MYO18A: variants seen among roughly 807,000 people sequenced by gnomAD.
MYO18A encodes unconventional myosin-XVIIIa.
MYO18A carries 78 observed loss-of-function variants against 235.8 expected under a neutral mutation model. The observed-to-expected ratio is 0.33, with a 90% CI of 0.28 to 0.40. MYO18A has a LOEUF of 0.40. Among genes scored for constraint, MYO18A ranks in the 10% least tolerant of loss-of-function variants. The pLI is 1.00. For missense variants in MYO18A, 2,215 were observed against 2,699.3 expected, an observed-to-expected ratio of 0.82 and a Z score of 3.98; for synonymous variants, 977 against 1,077.8, an observed-to-expected ratio of 0.91 and a Z score of 1.83.
At chr17:29,101,411 T>G (rs2152794286) in intron 21 of MYO18A, among the ~76,000 whole-genome samples, 1 of 152,272 alleles carries the variant, frequency 6.6e-6, no homozygotes, top group Non-Finnish European at 1.5e-5. Flanking sequence ...GCTCAAGCGA[T>G]TCTCATGCCT....
intron 12 of MYO18A, 29 bp from the exon 13 acceptor site, chr17:29,115,470 CCTT>C: frequency 1.2e-6 from 2 of 1,606,390 alleles, no homozygotes; most frequent in Non-Finnish European, 8.5e-7. Flanking sequence ...AGCGCTATCT[CCTT>C]CTCCCCAGGG....
Position 29,166,518 on chromosome 17 carries a change from G to T in MYO18A, c.423C>A (p.Phe141Leu), listed in dbSNP as rs552217211. 1.4e-4 allele frequency: 225 copies of T among 1,613,738 alleles called. 2 individuals carry two copies. The South Asian group carries it at 1.8e-3, about 13-fold the overall frequency. ...NSQMIVKRFS[F>L]SQRSRDESAS... ...CGCTCTCATCCCGGCTACGCTGGGA[G>T]AAGGAAAAGCGCTTGACAATCATCT... is the stretch of plus-strand genomic sequence containing the variant. Residue 141 changes from phenylalanine to leucine, a missense_variant, in exon 2 of 42, where the codon TTC becomes TTA. Transcript: ENST00000527372.
chr17:29,092,294 A>T, intron 34 of MYO18A, 49 bp downstream of exon 34: 10 of 1,404,088 alleles, frequency 7.1e-6, no homozygotes, highest in Non-Finnish European at 9.9e-6. Flanking sequence ...AGGCAGCTCT[A>T]TTCTGCCTCA....
At chr17:29,080,908 AT>A in intron 41 of MYO18A, 1 of 985,424 alleles carries the variant, frequency 1.0e-6, no homozygotes, top group Non-Finnish European at 1.2e-6. Flanking sequence ...GGTGCCCCCG[AT>A]GGAGTCCTTT....
intron 2 of MYO18A, chr17:29,129,064 C>T (rs1283215981): frequency 7.8e-7 from 1 of 1,289,422 alleles, no homozygotes. Context: ...CCTTTGTAGT[C>T]CTTGGTCCTT....
intron 2 of MYO18A, among the ~76,000 whole-genome samples, chr17:29,143,839 T>G (rs1293755921): frequency 6.6e-6 from 1 of 152,218 alleles, no homozygotes; most frequent in Non-Finnish European, 1.5e-5. Context: ...TCCACCATGA[T>G]GACTCCTGAC....
intron 2 of MYO18A, among the ~76,000 whole-genome samples, chr17:29,164,489 T>C (rs2068239396): frequency 6.6e-6 from 1 of 152,214 alleles, no homozygotes; most frequent in South Asian, 2.1e-4. Context: ...AAGGTACTAC[T>C]GGGTTGAGTA....
chr17:29,124,047 C>CA (rs10716167), intron 2 of MYO18A, among the ~76,000 whole-genome samples: 99 of 141,500 alleles, frequency 7.0e-4, no homozygotes, highest in African/African-American at 1.2e-3. Flanking sequence ...GACTCCATCT[C>CA]AAAAAAAAAA....
At position 29,071,367 on chromosome 17, in the gene MYO18A, A is replaced by T. The variant is rs1162587237; in HGVS notation, c.*3403T>A. On this transcript the variant is annotated 3_prime_UTR_variant, in exon 42 of 42. Transcript: ENST00000527372. ...AGGTAAGGTCAACAGCAGAGCCTTC[A>T]AGGTACACCCAAAATAAAGATGGGC... 1.3e-5 allele frequency: 2 copies of T among 152,210 alleles called. No homozygotes were observed. Among genetic ancestry groups the T allele is most frequent in the Non-Finnish European group, 2.9e-5 (2 of 68,042 alleles). The allele number at this position is 152,210 out of a possible 1,614,324, so 9.4% of individuals were successfully genotyped here. A position where few individuals can be genotyped will look rare whatever the true frequency, so the allele number is the denominator to read the frequency against.
intron 1 of MYO18A, among the ~76,000 whole-genome samples, chr17:29,174,214 T>C (rs112618346): frequency 0.015 from 2,334 of 152,312 alleles, 66 homozygotes; most frequent in African/African-American, 0.053. Flanking sequence ...TACTAGAGAA[T>C]AGTAAAACTG....
chr17:29,093,140 G>A (rs935434418), intron 32 of MYO18A, 139 bp from the exon 33 acceptor site: 27 of 1,266,934 alleles, frequency 2.1e-5, no homozygotes, highest in Admixed American at 1.1e-4. Flanking sequence ...GCCAACCAGC[G>A]ATAAAGGGCT....
chr17:29,097,049 A>C, intron 27 of MYO18A, 134 bp from the exon 28 acceptor site: 1 of 1,379,656 alleles, frequency 7.2e-7, no homozygotes, highest in Non-Finnish European at 9.7e-7. Flanking sequence ...GGAACTGAAG[A>C]AGCTCTAATG....
chr17:29,124,777 CAAGTGGGCCG>C, intron 2 of MYO18A: 1 of 1,106,440 alleles, frequency 9.0e-7, no homozygotes, highest in African/African-American at 1.6e-5. Context: ...GCTCCTGAGT[CAAGTGGGCCG>C]GCACTCTCTA....
chr17:29,082,474 T>C (rs750281762), intron 40 of MYO18A, 36 bp from the exon 41 acceptor site: 5 of 1,601,856 alleles, frequency 3.1e-6, no homozygotes, highest in Non-Finnish European at 4.3e-6. Flanking sequence ...AGACAAGGCA[T>C]AGGCACCTGC....
At chr17:29,096,966 G>T in intron 27 of MYO18A, 51 bp from the exon 28 acceptor site, 1 of 1,488,230 alleles carries the variant, frequency 6.7e-7, no homozygotes, top group South Asian at 1.3e-5. Flanking sequence ...AGCATAGGTG[G>T]AGAAGGTGAG....
At chr17:29,135,169 T>G (rs1056688822) in intron 2 of MYO18A, among the ~76,000 whole-genome samples, 1 of 151,732 alleles carries the variant, frequency 6.6e-6, no homozygotes, top group South Asian at 2.1e-4. Context: ...GGTGCAATCT[T>G]GCCTCACTGC....
rs80079124 is a variant in MYO18A at position 29,082,563 on chromosome 17, C to T, written c.5898-125G>A. On this transcript the variant is annotated intron_variant, in intron 40 of 41. Transcript: ENST00000527372. ...GTGGGCAGCATGCACGTCGGTGAGTCGGGAGGGCGGGAATGAGAGAGGTTA... is the reference window on the plus strand; with the variant it reads ...GTGGGCAGCATGCACGTCGGTGAGTTGGGAGGGCGGGAATGAGAGAGGTTA... 4.1e-3 allele frequency: 3,759 copies of T among 921,616 alleles called. 92 individuals are homozygous for T. In the African/African-American group the frequency reaches 0.054, roughly 13 times the overall value. The allele number at this position is 921,616 out of a possible 1,614,324, so 57.1% of individuals were successfully genotyped here.
chr17:29,103,131 AG>A (rs1170736586), intron 21 of MYO18A, among the ~76,000 whole-genome samples: 1 of 152,252 alleles, frequency 6.6e-6, no homozygotes, highest in African/African-American at 2.4e-5. Context: ...GCCTGTGGGC[AG>A]GTGGTGGTGG....
rs991330564 is a variant in MYO18A, at chr17:29,073,527, GA to G, written c.*1242del. 16 of 224,060 alleles carry G rather than the reference GA, an allele frequency of 7.1e-5. No homozygotes were observed. Among genetic ancestry groups the G allele is most frequent in the African/African-American group, 3.6e-4 (16 of 44,412 alleles). 13.9% of individuals were successfully genotyped at this position (224,060 alleles called of 1,614,324 possible). On this transcript the variant is annotated 3_prime_UTR_variant, in exon 42 of 42. Coordinates refer to ENST00000527372, the MANE Select transcript of MYO18A (RefSeq NM_078471.4). The stretch of plus-strand genomic sequence containing the variant: ...GCAGGAAAACTGGCGCAGCCAGGAG[GA>G]AAAGGGCCTTTATTTCCATACATCG...
Sources: allele counts gnomAD v4.1 joint callset (sites outside exome capture counted in the v4.1 genomes callset), GRCh38; gene constraint gnomAD v4.1.1; transcripts MANE v1.5; gene names NCBI Gene and HGNC (gene_info 2026-07-23, HGNC 2026-07-21).